PTPRK: variants seen among roughly 807,000 people sequenced by gnomAD.
PTPRK encodes receptor-type tyrosine-protein phosphatase kappa.
PTPRK carries 75 observed loss-of-function variants against 178.0 expected under a neutral mutation model. That is an observed-to-expected ratio of 0.42 (90% CI 0.35 to 0.51). PTPRK has a LOEUF of 0.51. Among genes scored for constraint, PTPRK ranks in the 20% least tolerant of loss-of-function variants. PTPRK has a pLI of 0.02. For missense variants in PTPRK, 1,441 were observed against 1,797.8 expected, an observed-to-expected ratio of 0.80 and a Z score of 3.59; for synonymous variants, 637 against 620.6, an observed-to-expected ratio of 1.03 and a Z score of -0.39.
intron 7 of PTPRK, among the ~76,000 whole-genome samples, chr6:128,131,967 T>C (rs1012459938): frequency 3.3e-5 from 5 of 152,146 alleles, no homozygotes; most frequent in East Asian, 1.9e-4. Flanking sequence ...ATTAGTCCCA[T>C]TGATGCACAA....
At chr6:128,305,325 T>G (rs17456343) in intron 3 of PTPRK, among the ~76,000 whole-genome samples, 1 of 152,126 alleles carries the variant, frequency 6.6e-6, no homozygotes, top group East Asian at 1.9e-4. Context: ...CTTCTACATC[T>G]TTAGTAGCTT....
chr6:128,383,126 G>A (rs553055356), intron 2 of PTPRK, among the ~76,000 whole-genome samples: 1 of 152,200 alleles, frequency 6.6e-6, no homozygotes, highest in East Asian at 1.9e-4. Context: ...CTGTTTCTTG[G>A]TTCCAGTGGC....
chr6:128,375,447 C>A (rs1256418322), intron 2 of PTPRK, among the ~76,000 whole-genome samples: 1 of 151,784 alleles, frequency 6.6e-6, no homozygotes, highest in Non-Finnish European at 1.5e-5. Flanking sequence ...CATTCATTAT[C>A]ACGAGAATAG....
intron 8 of PTPRK, among the ~76,000 whole-genome samples, chr6:128,087,960 C>A (rs1363531605): frequency 6.6e-6 from 1 of 152,128 alleles, no homozygotes; most frequent in Non-Finnish European, 1.5e-5. Flanking sequence ...GGCATAATAA[C>A]CTCTTTTATG....
chr6:128,273,659 C>T (rs1232391187), intron 3 of PTPRK, among the ~76,000 whole-genome samples: 1 of 152,130 alleles, frequency 6.6e-6, no homozygotes, highest in East Asian at 1.9e-4. Flanking sequence ...TGTAAGTGTC[C>T]TGGGCCAAGA....
At chr6:128,402,761 T>C (rs999645961) in intron 1 of PTPRK, among the ~76,000 whole-genome samples, 10 of 152,164 alleles carry the variant, frequency 6.6e-5, no homozygotes, top group Admixed American at 5.2e-4. Context: ...GAAATTAAAA[T>C]AGGAAAAATT....
At chr6:128,108,827 A>G (rs1398945976) in intron 7 of PTPRK, among the ~76,000 whole-genome samples, 1 of 152,174 alleles carries the variant, frequency 6.6e-6, no homozygotes, top group East Asian at 1.9e-4. Flanking sequence ...TACCTCTTCC[A>G]GATTACAGAT....
chr6:128,416,999 T>C (rs1323090904), intron 1 of PTPRK, among the ~76,000 whole-genome samples: 3 of 148,740 alleles, frequency 2.0e-5, no homozygotes, highest in Non-Finnish European at 4.5e-5. Context: ...ATTATAATTA[T>C]ATAGGTAATA....
intron 6 of PTPRK, among the ~76,000 whole-genome samples, chr6:128,193,352 T>C (rs993764603): frequency 2.2e-5 from 3 of 137,836 alleles, no homozygotes; most frequent in African/African-American, 7.9e-5. Flanking sequence ...TTTCTACAAA[T>C]CACATCAATT....
At chr6:128,186,779 G>A (rs1376725173) in intron 6 of PTPRK, among the ~76,000 whole-genome samples, 1 of 152,102 alleles carries the variant, frequency 6.6e-6, no homozygotes, top group Non-Finnish European at 1.5e-5. Context: ...GAGGGAGAAA[G>A]TTGATATATT....
chr6:128,517,318 C>T (rs1858219043), intron 1 of PTPRK, among the ~76,000 whole-genome samples: 1 of 152,140 alleles, frequency 6.6e-6, no homozygotes, highest in Admixed American at 6.5e-5. Context: ...CCCCATTTTA[C>T]AGAGGAGAAA....
chr6:128,368,950 C>CA lies in PTPRK; in HGVS notation c.223+28615dup, dbSNP rs369472572. Among the ~76,000 whole-genome samples, 570 of 150,788 alleles carry CA rather than the reference C, an allele frequency of 3.8e-3. 3 individuals carry two copies. The highest frequency in any genetic ancestry group is 0.013 in the African/African-American group (541 of 40,560). On this transcript the variant is annotated intron_variant, in intron 2 of 29. Coordinates refer to ENST00000368226, the MANE Select transcript of PTPRK (RefSeq NM_002844.4). ...CAAAACAAAACAAAAAACAAACAAACAAAAAAAAAAACACACACACAGCAA... is the reference window on the plus strand; with the variant it reads ...CAAAACAAAACAAAAAACAAACAAACAAAAAAAAAAAACACACACACAGCAA...
At chr6:128,376,761 C>G (rs1436688124) in intron 2 of PTPRK, among the ~76,000 whole-genome samples, 1 of 152,158 alleles carries the variant, frequency 6.6e-6, no homozygotes, top group African/African-American at 2.4e-5. Flanking sequence ...GAATGCTTTG[C>G]TGCTCAGAAA....
intron 7 of PTPRK, among the ~76,000 whole-genome samples, chr6:128,114,834 G>A: frequency 6.6e-6 from 1 of 151,788 alleles, no homozygotes; most frequent in East Asian, 1.9e-4. Flanking sequence ...AGACCCAGAG[G>A]GGCCACTGAA....
Position 127,991,403 on chromosome 6 carries a change from T to C in PTPRK, c.2882-12A>G. The stretch of plus-strand genomic sequence containing the variant: ...TTCATGAACGGGACCTACAAAGAAA[T>C]TAATTTGAATATTATGTTATCAAAG... On this transcript the variant is annotated splice_polypyrimidine_tract_variant and intron_variant, in intron 19 of 29. Coordinates refer to ENST00000368226, the MANE Select transcript of PTPRK (RefSeq NM_002844.4). 1 of 1,547,384 alleles carries C rather than the reference T, an allele frequency of 6.5e-7. No individual in the cohort carries two copies. The highest frequency in any genetic ancestry group is 2.4e-5 in the East Asian group (1 of 42,446).
At chr6:128,117,685 C>T (rs192512861) in intron 7 of PTPRK, among the ~76,000 whole-genome samples, 411 of 152,146 alleles carry the variant, frequency 2.7e-3, no homozygotes, top group African/African-American at 9.4e-3. Flanking sequence ...TGGAGTCTTA[C>T]TCTGTCGCCC....
At chr6:128,087,649 G>T (rs1481133058) in intron 8 of PTPRK, among the ~76,000 whole-genome samples, 1 of 151,974 alleles carries the variant, frequency 6.6e-6, no homozygotes, top group Non-Finnish European at 1.5e-5. Context: ...ACTTCAATTA[G>T]GTGCCAGTTC....
At chr6:128,416,646 T>C (rs2128383253) in intron 1 of PTPRK, among the ~76,000 whole-genome samples, 1 of 144,648 alleles carries the variant, frequency 6.9e-6, no homozygotes, top group East Asian at 2.0e-4. Context: ...AGACTCCATC[T>C]TAAAAAAAAA....
chr6:128,464,639 A>ATATATATATATATATG (rs59665195), intron 1 of PTPRK, among the ~76,000 whole-genome samples: 389 of 4,478 alleles, frequency 0.087, 35 homozygotes, highest in East Asian at 0.47. Context: ...ATATATACAC[A>ATATATATATATATATG]TATATATATA....
Sources: allele counts gnomAD v4.1 joint callset (sites outside exome capture counted in the v4.1 genomes callset), GRCh38; gene constraint gnomAD v4.1.1; transcripts MANE v1.5; gene names NCBI Gene and HGNC (gene_info 2026-07-23, HGNC 2026-07-21).